IKBKE: variants seen among roughly 807,000 people sequenced by gnomAD.
IKBKE encodes the protein inhibitor of nuclear factor kappa-B kinase subunit epsilon.
Under a neutral mutation model 92.1 loss-of-function variants are expected in IKBKE, and 45 were observed. That is an observed-to-expected ratio of 0.49 (90% CI 0.38 to 0.63). The LOEUF (loss-of-function observed/expected upper bound fraction) is 0.63. Among genes scored for constraint, IKBKE ranks in the 20% least tolerant of loss-of-function variants. IKBKE has a pLI of 0.00. For synonymous variants in IKBKE, 374 were observed against 380.3 expected (o/e 0.98, Z 0.19); for missense variants, 700 against 932.8 (o/e 0.75, Z 3.25).
Position 206,476,589 on chromosome 1 carries a change from C to T in IKBKE, c.541-89C>T, listed in dbSNP as rs149704451. On this transcript the variant is annotated intron_variant, in intron 6 of 21. Transcript: ENST00000581977. This position sits in a 1 kb window ranked among gnomAD's most constrained non-coding sequence, Gnocchi z 5.1. ...AGAAGGATTTGAACAGTTCTGTTTT[C>T]ACCTGCAGGCGGTGAAAGGGGGTCT... is the stretch of plus-strand genomic sequence containing the variant. 2.5e-4 allele frequency: 377 copies of T among 1,479,954 alleles called. No homozygotes were observed. The highest frequency in any genetic ancestry group is 5.4e-4 in the Middle Eastern group (3 of 5,572). 91.7% of individuals were successfully genotyped at this position (1,479,954 alleles called of 1,614,324 possible). A position where few individuals can be genotyped will look rare whatever the true frequency, so the allele number is the denominator to read the frequency against.
At chr1:206,495,852 CG>C (rs1666207531) in intron 21 of IKBKE, among the ~76,000 whole-genome samples, 1 of 152,200 alleles carries the variant, frequency 6.6e-6, no homozygotes, top group African/African-American at 2.4e-5. Context: ...AGCTTTTAAA[CG>C]TACAAATGCC....
chr1:206,491,686 T>TGGA lies in IKBKE; in HGVS notation c.1773_1774insGAG (p.Val591_Phe592insGlu). ...CATTTAGCCAAAAGACTCCTGCAGG[T>TGGA]GTTCCAGGAGGAGTGCGTGCAGAAG... On this transcript the variant is annotated inframe_insertion, in exon 18 of 22. Coordinates refer to ENST00000581977, the MANE Select transcript of IKBKE (RefSeq NM_014002.4). 6.2e-7 allele frequency: 1 copy of TGGA among 1,613,362 alleles called. No individual in the cohort carries two copies. Among genetic ancestry groups the TGGA allele is most frequent in the Non-Finnish European group, 8.5e-7 (1 of 1,179,506 alleles).
intron 2 of IKBKE, chr1:206,472,946 A>G: frequency 2.3e-6 from 1 of 438,934 alleles, no homozygotes; most frequent in East Asian, 5.0e-5. Flanking sequence ...GAGCCAGGAC[A>G]GGCAGCAGGT....
chr1:206,474,094 C>A (rs941258609), intron 3 of IKBKE, among the ~76,000 whole-genome samples: 1 of 152,030 alleles, frequency 6.6e-6, no homozygotes, highest in Non-Finnish European at 1.5e-5. Context: ...TGACAACAAG[C>A]CATCCCCTGC....
chr1:206,476,842 C>T lies in IKBKE; in HGVS notation c.701+4C>T, dbSNP rs782063170. 13 of 1,613,998 alleles carry T rather than the reference C, an allele frequency of 8.1e-6. No individual in the cohort carries two copies. Among genetic ancestry groups the T allele is most frequent in the Middle Eastern group, 1.6e-4 (1 of 6,082 alleles). The stretch of plus-strand genomic sequence containing the variant: ...CACGGCGGAACAAGGAGATCATGTA[C>T]GGTGGGCCACAGGGCAGGGAATGGG... On this transcript the variant is annotated splice_donor_region_variant and intron_variant, in intron 7 of 21. Transcript: ENST00000581977. The surrounding 1 kb of genome is among the most constrained non-coding windows in gnomAD (Gnocchi z 5.1).
chr1:206,480,316 G>A, intron 12 of IKBKE, 131 bp from the exon 13 acceptor site: 2 of 795,754 alleles, frequency 2.5e-6, no homozygotes, highest in Non-Finnish European at 4.1e-6. Context: ...GGTGGAGGCA[G>A]GCCGGAGGGG....
chr1:206,492,687 C>T (rs1666012616), intron 18 of IKBKE: 1 of 520,322 alleles, frequency 1.9e-6, no homozygotes, highest in South Asian at 1.5e-5. Context: ...ACACTGAGAG[C>T]CCTGGTGTGG....
chr1:206,478,460 T>G lies in IKBKE; in HGVS notation c.992+121T>G. ...GTGTGTACATAGGAACGCTTCCAGGTCCAAACGTAGTTGGGAAAAGACTAG... is the reference window on the plus strand; with the variant it reads ...GTGTGTACATAGGAACGCTTCCAGGGCCAAACGTAGTTGGGAAAAGACTAG... On this transcript the variant is annotated intron_variant, in intron 9 of 21. Transcript: ENST00000581977. The surrounding 1 kb of genome is among the most constrained non-coding windows in gnomAD (Gnocchi z 4.8). 1 of 1,012,406 alleles carries G rather than the reference T, an allele frequency of 9.9e-7. No homozygotes were observed. The highest frequency in any genetic ancestry group is 2.4e-5 in the East Asian group (1 of 41,746). 62.7% of individuals were successfully genotyped at this position (1,012,406 alleles called of 1,614,324 possible).
At chr1:206,488,954 TTC>T (rs1406383873) in intron 16 of IKBKE, among the ~76,000 whole-genome samples, 1 of 152,148 alleles carries the variant, frequency 6.6e-6, no homozygotes, top group Non-Finnish European at 1.5e-5. Flanking sequence ...ATACCTTATA[TTC>T]TTTTTGTGTT....
chr1:206,477,705 T>A, intron 7 of IKBKE, 44 bp from the exon 8 acceptor site: 1 of 1,230,964 alleles, frequency 8.1e-7, no homozygotes, highest in Non-Finnish European at 1.2e-6. Flanking sequence ...TGCCCGGCAA[T>A]GTGATAGCTG....
chr1:206,477,481 G>T (rs1553385698), intron 7 of IKBKE, among the ~76,000 whole-genome samples: 3 of 143,584 alleles, frequency 2.1e-5, no homozygotes, highest in Non-Finnish European at 1.5e-5. Context: ...AGGTGTGGAG[G>T]AGGCTGGCCA....
chr1:206,473,011 G>A, intron 2 of IKBKE, 185 bp from the exon 3 acceptor site: 1 of 567,464 alleles, frequency 1.8e-6, no homozygotes, highest in Non-Finnish European at 3.1e-6. Flanking sequence ...TTGTTGTGCT[G>A]TGCGTCCTTT....
At chr1:206,479,769 G>A (rs2103462385) in intron 10 of IKBKE, 101 bp from the exon 11 acceptor site, 1 of 1,232,042 alleles carries the variant, frequency 8.1e-7, no homozygotes, top group South Asian at 1.3e-5. Flanking sequence ...GCCTGAGGTG[G>A]GAGATTGGCA....
Position 206,496,277 on chromosome 1 carries a change from G to T in IKBKE, c.*132G>T. 5 of 760,528 alleles carry T rather than the reference G, an allele frequency of 6.6e-6. No homozygotes were observed. Among genetic ancestry groups the T allele is most frequent in the African/African-American group, 1.7e-5 (1 of 58,646 alleles). The allele number at this position is 760,528 out of a possible 1,614,324, so 47.1% of individuals were successfully genotyped here. On this transcript the variant is annotated 3_prime_UTR_variant, in exon 22 of 22. Coordinates refer to ENST00000581977, the MANE Select transcript of IKBKE (RefSeq NM_014002.4). ...CTACCTCCCTCCTGGCTGCTGGCCA[G>T]GATGTCGCCAGCATTACCTTCCACT...
rs1572259707 is a variant in IKBKE at position 206,487,676 on chromosome 1, G to A, written c.1617-238G>A. Among the ~76,000 whole-genome samples the A allele has an allele frequency of 1.3e-5, 2 of 152,100 alleles. No individual in the cohort carries two copies. Among genetic ancestry groups the A allele is most frequent in the South Asian group, 4.2e-4 (2 of 4,818 alleles). On this transcript the variant is annotated intron_variant, in intron 15 of 21. Coordinates refer to ENST00000581977, the MANE Select transcript of IKBKE (RefSeq NM_014002.4). The surrounding 1 kb of genome is among the most constrained non-coding windows in gnomAD (Gnocchi z 5.3). ...TCTTATCTCCTACTTAACTCATGCT[G>A]CGAGTGCATGTGTGTGAGAGAGGAA...
chr1:206,493,557 G>T (rs1282520038), intron 20 of IKBKE, among the ~76,000 whole-genome samples, 179 bp downstream of exon 20: 1 of 152,224 alleles, frequency 6.6e-6, no homozygotes, highest in African/African-American at 2.4e-5. Flanking sequence ...AGAGGCCAAG[G>T]TGAGCGGATC....
At chr1:206,491,377 A>T (rs1665946020) in intron 17 of IKBKE, 3 of 415,176 alleles carry the variant, frequency 7.2e-6, no homozygotes, top group Non-Finnish European at 1.4e-5. Flanking sequence ...TTTCCTGAGG[A>T]CTAAGCTTGA....
At chr1:206,494,025 G>C (rs375993945) in intron 21 of IKBKE, 34 bp downstream of exon 21, 9 of 1,588,826 alleles carry the variant, frequency 5.7e-6, no homozygotes, top group East Asian at 4.5e-5. Flanking sequence ...GGTCAGGGCC[G>C]GGTCTTCAAG....
chr1:206,487,866 T>G lies in IKBKE; in HGVS notation c.1617-48T>G. 1.4e-6 allele frequency: 2 copies of G among 1,477,328 alleles called. No homozygotes were observed. The highest frequency in any genetic ancestry group is 9.4e-7 in the Non-Finnish European group (1 of 1,061,064). 91.5% of individuals were successfully genotyped at this position (1,477,328 alleles called of 1,614,324 possible). A position where few individuals can be genotyped will look rare whatever the true frequency, so the allele number is the denominator to read the frequency against. On this transcript the variant is annotated intron_variant, in intron 15 of 21. Coordinates refer to ENST00000581977, the MANE Select transcript of IKBKE (RefSeq NM_014002.4). The surrounding 1 kb of genome is among the most constrained non-coding windows in gnomAD (Gnocchi z 5.3). ...CCTTCCCCTCCCTCCCTCTTTCCTC[T>G]GTGCTATTAGATTCTTCCAACACCT...
Sources: gnomAD v4.1 joint callset for allele counts (sites outside exome capture counted in the v4.1 genomes callset) on GRCh38, gnomAD v4.1.1 for gene constraint, Gnocchi (gnomAD v3.1) non-coding constraint, MANE v1.5 for transcripts, NCBI Gene and HGNC (gene_info 2026-07-23, HGNC 2026-07-21) for gene names.